MLLT10: variants seen among roughly 807,000 people sequenced by gnomAD.
MLLT10 encodes protein AF-10.
In MLLT10, 30 loss-of-function variants were observed where a neutral mutation model predicts 129.1. The ratio of observed to expected loss-of-function variants is 0.23; its 90% confidence interval spans 0.17 to 0.32. The LOEUF (loss-of-function observed/expected upper bound fraction) is 0.32. MLLT10 is among the 10% of genes least tolerant of loss of function. The probability of loss-of-function intolerance (pLI) is 1.00; values close to 1 mark genes in which losing one functional copy is unlikely to be tolerated. For synonymous variants in MLLT10, 490 were observed against 446.4 expected (o/e 1.10, Z -1.23); for missense variants, 1,119 against 1,268.3 (o/e 0.88, Z 1.79).
intron 13 of MLLT10, among the ~76,000 whole-genome samples, chr10:21,700,339 G>T: frequency 6.6e-6 from 1 of 152,188 alleles, no homozygotes; most frequent in Non-Finnish European, 1.5e-5. Flanking sequence ...CCGTATGGAA[G>T]TCAACTTGGA....
At chr10:21,551,466 C>T (rs1178408786) in intron 3 of MLLT10, among the ~76,000 whole-genome samples, 1 of 151,292 alleles carries the variant, frequency 6.6e-6, no homozygotes, top group African/African-American at 2.4e-5. Context: ...AGCATAATAT[C>T]GTAAGTTCCT....
At chr10:21,716,314 G>A (rs866250266) in intron 14 of MLLT10, among the ~76,000 whole-genome samples, 7 of 152,178 alleles carry the variant, frequency 4.6e-5, no homozygotes, top group Admixed American at 2.6e-4. Flanking sequence ...GTCACATCTA[G>A]TGTTTTATTT....
chr10:21,588,381 T>C (rs1416335087), intron 4 of MLLT10, among the ~76,000 whole-genome samples: 2 of 152,172 alleles, frequency 1.3e-5, no homozygotes, highest in East Asian at 1.9e-4. Context: ...CAGTTTATCT[T>C]GTTTCAGTAT....
chr10:21,625,116 C>A, intron 8 of MLLT10: 1 of 954,478 alleles, frequency 1.0e-6, no homozygotes, highest in South Asian at 1.4e-5. Context: ...ATATCCACCT[C>A]TCCCCCAACC....
chr10:21,673,135 A>G (rs1022491402), intron 10 of MLLT10, among the ~76,000 whole-genome samples: 8 of 152,148 alleles, frequency 5.3e-5, no homozygotes, highest in African/African-American at 1.7e-4. Flanking sequence ...AACATTTAAT[A>G]CCATCTATAA....
intron 13 of MLLT10, among the ~76,000 whole-genome samples, chr10:21,710,819 A>G (rs1227444522): frequency 6.6e-6 from 1 of 152,250 alleles, no homozygotes; most frequent in East Asian, 1.9e-4. Context: ...TCATATGTGA[A>G]ATGGGAGTAA....
chr10:21,740,857 A>C (rs867698191), intron 22 of MLLT10, among the ~76,000 whole-genome samples: 5 of 152,318 alleles, frequency 3.3e-5, no homozygotes, highest in Non-Finnish European at 4.4e-5. Flanking sequence ...TCTCCCCTTC[A>C]ATTAGGTCTA....
chr10:21,721,901 C>T (rs1187539838), intron 14 of MLLT10, among the ~76,000 whole-genome samples: 1 of 151,926 alleles, frequency 6.6e-6, no homozygotes, highest in Non-Finnish European at 1.5e-5. Flanking sequence ...GAGGTTTTTA[C>T]TAGAGTGTTA....
intron 10 of MLLT10, 34 bp from the exon 11 acceptor site, chr10:21,673,316 A>AG: frequency 2.5e-5 from 3 of 119,764 alleles, no homozygotes; most frequent in African/African-American, 1.6e-4. Context: ...CCCACCCCCC[A>AG]ACTTTTTTTT....
chr10:21,568,238 A>G (rs981930775), intron 3 of MLLT10, among the ~76,000 whole-genome samples: 6 of 152,206 alleles, frequency 3.9e-5, no homozygotes, highest in African/African-American at 4.8e-5. Context: ...ATTTACTGCT[A>G]TATTGTGCCT....
At chr10:21,610,984 C>CTTTTTTTTTTTTTTT (rs71393913) in intron 5 of MLLT10, among the ~76,000 whole-genome samples, 202 of 102,870 alleles carry the variant, frequency 2.0e-3, no homozygotes, top group Non-Finnish European at 2.9e-3. Flanking sequence ...TCTTTTTTCT[C>CTTTTTTTTTTTTTTT]TTTTTTTTTT....
intron 13 of MLLT10, 108 bp from the exon 14 acceptor site, chr10:21,713,660 AGATT>A: frequency 1.1e-6 from 1 of 883,336 alleles, no homozygotes; most frequent in Non-Finnish European, 1.7e-6. Context: ...AGCAACAATA[AGATT>A]TATAATTGGA....
At chr10:21,683,850 A>G (rs2053003906) in intron 13 of MLLT10, among the ~76,000 whole-genome samples, 1 of 151,728 alleles carries the variant, frequency 6.6e-6, no homozygotes, top group Non-Finnish European at 1.5e-5. Flanking sequence ...GGGTTCTCCC[A>G]GGTGGACTCC....
At chr10:21,576,242 C>CT (rs556175778) in intron 3 of MLLT10, among the ~76,000 whole-genome samples, 3,747 of 128,048 alleles carry the variant, frequency 0.029, 73 homozygotes, top group Non-Finnish European at 0.044. Flanking sequence ...TATCCATTTA[C>CT]TTTTTTTTTT....
In MLLT10 at chr10:21,582,013, A is replaced by G. The variant is rs774271365; in HGVS notation, c.241-4281A>G. On this transcript the variant is annotated intron_variant, in intron 3 of 22. Transcript: ENST00000307729. ...AATAGGAATTTTTTAGTTCCATTTA[A>G]TCTCATGGGACCACCACTGTATATG... Among the ~76,000 whole-genome samples the G allele has an allele frequency of 2.0e-5, 3 of 152,300 alleles. No homozygotes were observed. The East Asian group carries it at 5.8e-4, about 29-fold the overall frequency.
At chr10:21,556,794 GTCTTACTACA>G in intron 3 of MLLT10, 1 of 1,585,952 alleles carries the variant, frequency 6.3e-7, no homozygotes, top group Non-Finnish European at 8.6e-7. Context: ...TTTTGGGCTT[GTCTTACTACA>G]GCAGCTTTCT....
intron 5 of MLLT10, among the ~76,000 whole-genome samples, chr10:21,611,958 T>C (rs2044699551): frequency 6.6e-6 from 1 of 152,182 alleles, no homozygotes. Flanking sequence ...GATTATTTCC[T>C]GCAGAGGGGA....
chr10:21,543,887 A>G (rs2035643992), intron 3 of MLLT10, among the ~76,000 whole-genome samples: 2 of 152,298 alleles, frequency 1.3e-5, no homozygotes, highest in South Asian at 2.1e-4. Flanking sequence ...ATGGAAATGT[A>G]TTTCACCCAG....
chr10:21,664,949 T>C (rs1167924653), intron 9 of MLLT10, among the ~76,000 whole-genome samples: 52 of 140,124 alleles, frequency 3.7e-4, no homozygotes, highest in South Asian at 1.1e-3. Context: ...CTTTTCTTTT[T>C]TTTTTTTTTT....
Sources: allele counts gnomAD v4.1 joint callset (sites outside exome capture counted in the v4.1 genomes callset), GRCh38; gene constraint gnomAD v4.1.1; transcripts MANE v1.5; gene names NCBI Gene and HGNC (gene_info 2026-07-23, HGNC 2026-07-21).